NRXN3: variants seen among roughly 807,000 people sequenced by gnomAD.
The protein encoded by NRXN3 is neurexin III.
Under a neutral mutation model 137.6 loss-of-function variants are expected in NRXN3, and 32 were observed. That is an observed-to-expected ratio of 0.23 (90% CI 0.18 to 0.31). The LOEUF is 0.31. Ranked by LOEUF, NRXN3 falls within the 10% of genes least tolerant of loss-of-function variation. The pLI, the probability that NRXN3 is intolerant of heterozygous loss-of-function variation, is 1.00. For missense variants in NRXN3, 1,574 were observed against 2,062.5 expected (o/e 0.76, Z 4.59); for synonymous variants, 798 against 784.5 (o/e 1.02, Z -0.29).
chr14:79,178,197 C>T (rs1288796689), intron 15 of NRXN3, among the ~76,000 whole-genome samples: 1 of 152,210 alleles, frequency 6.6e-6, no homozygotes, highest in Non-Finnish European at 1.5e-5. Context: ...GTCATACCCT[C>T]CCAGGTGATA....
intron 4 of NRXN3, among the ~76,000 whole-genome samples, chr14:78,397,848 C>T (rs1243373429): frequency 1.3e-5 from 2 of 150,498 alleles, no homozygotes; most frequent in Non-Finnish European, 3.0e-5. Flanking sequence ...AAGTGATCTG[C>T]CTGCCTTGGC....
intron 15 of NRXN3, among the ~76,000 whole-genome samples, chr14:79,230,744 G>T (rs2072025832): frequency 6.6e-6 from 1 of 152,076 alleles, no homozygotes; most frequent in Non-Finnish European, 1.5e-5. Context: ...GGCAGGTACA[G>T]GTAGGATTCT....
chr14:78,628,160 A>T (rs891205676), intron 4 of NRXN3, among the ~76,000 whole-genome samples: 1 of 151,616 alleles, frequency 6.6e-6, no homozygotes, highest in African/African-American at 2.4e-5. Flanking sequence ...GCAGCCTCGA[A>T]CTCCTGGGCT....
rs17107869 is a variant in NRXN3 at position 78,571,807 on chromosome 14, G to A, written c.758-73313G>A. ...TCTGTGTTATAACAGGGAATCTACC[G>A]TAGGTTCTTGGCTACCTTTTGTGAA... is the stretch of plus-strand genomic sequence containing the variant. On this transcript the variant is annotated intron_variant, in intron 4 of 20. Coordinates refer to ENST00000335750, the MANE Select transcript of NRXN3 (RefSeq NM_001330195.2). Among the ~76,000 whole-genome samples, 209 of 152,308 alleles carry A rather than the reference G, an allele frequency of 1.4e-3. No individual in the cohort carries two copies. In the East Asian group the frequency reaches 0.029, roughly 21 times the overall value.
At chr14:78,484,763 A>T (rs896688782) in intron 4 of NRXN3, among the ~76,000 whole-genome samples, 1 of 152,124 alleles carries the variant, frequency 6.6e-6, no homozygotes, top group Non-Finnish European at 1.5e-5. Context: ...GCATTAGAGA[A>T]AGGCAGCCGC....
chr14:78,943,310 A>T (rs1301010220), intron 10 of NRXN3, among the ~76,000 whole-genome samples: 1 of 151,966 alleles, frequency 6.6e-6, no homozygotes, highest in Non-Finnish European at 1.5e-5. Flanking sequence ...ATGCTTGGCG[A>T]TTTGCAGATT....
intron 15 of NRXN3, among the ~76,000 whole-genome samples, chr14:79,134,542 G>A (rs2058020373): frequency 6.6e-6 from 1 of 152,188 alleles, no homozygotes; most frequent in Non-Finnish European, 1.5e-5. Flanking sequence ...TGGGGAAGTT[G>A]CAGTGTTACA....
At chr14:78,939,956 C>G (rs931688890) in intron 10 of NRXN3, among the ~76,000 whole-genome samples, 1 of 152,256 alleles carries the variant, frequency 6.6e-6, no homozygotes, top group Admixed American at 6.5e-5. Context: ...ATGACAAAAT[C>G]GAATAATCTT....
intron 4 of NRXN3, among the ~76,000 whole-genome samples, chr14:78,553,340 T>C (rs1175712821): frequency 6.6e-6 from 1 of 152,208 alleles, no homozygotes; most frequent in African/African-American, 2.4e-5. Flanking sequence ...GTCCTGATTG[T>C]CTGGGCTTAT....
intron 4 of NRXN3, among the ~76,000 whole-genome samples, chr14:78,362,680 T>C (rs996973125): frequency 3.9e-5 from 6 of 152,142 alleles, no homozygotes; most frequent in African/African-American, 1.4e-4. Context: ...CTATAAGAAT[T>C]TGGTTTTGTT....
rs1555551861 is a variant in NRXN3 at position 79,603,896 on chromosome 14, C to CTTCTTA, written c.3445-59880_3445-59879insCTTATT. Among the ~76,000 whole-genome samples, 537 of 151,972 alleles carry CTTCTTA rather than the reference C, an allele frequency of 3.5e-3. 1 individual carries two copies. The highest frequency in any genetic ancestry group is 0.013 in the African/African-American group (519 of 41,466). On this transcript the variant is annotated intron_variant, in intron 16 of 20. Coordinates refer to ENST00000335750, the MANE Select transcript of NRXN3 (RefSeq NM_001330195.2). ...TATGAAAAATTCTTAGAACAATCTT[C>CTTCTTA]TTATTATTTGAGACAGAGTCCAGCT...
chr14:79,004,918 C>G (rs2099549268), intron 15 of NRXN3, among the ~76,000 whole-genome samples: 1 of 152,188 alleles, frequency 6.6e-6, no homozygotes, highest in Non-Finnish European at 1.5e-5. Context: ...GTAAAAAATA[C>G]TCTGAGTTCT....
chr14:78,405,352 G>T (rs1417236430), intron 4 of NRXN3, among the ~76,000 whole-genome samples: 1 of 152,126 alleles, frequency 6.6e-6, no homozygotes, highest in Non-Finnish European at 1.5e-5. Context: ...CATTCCATAG[G>T]CTGGGCTGCT....
chr14:78,522,624 A>G (rs1013867438), intron 4 of NRXN3, among the ~76,000 whole-genome samples: 4 of 152,176 alleles, frequency 2.6e-5, no homozygotes, highest in Non-Finnish European at 5.9e-5. Context: ...GATGGGGTGG[A>G]ACTTCCTTTA....
chr14:79,589,039 G>A (rs1353884701), intron 16 of NRXN3, among the ~76,000 whole-genome samples: 2 of 152,128 alleles, frequency 1.3e-5, no homozygotes, highest in African/African-American at 4.8e-5. Flanking sequence ...AGGATCCCTT[G>A]AGCCCAGGAA....
At chr14:79,201,513 A>G (rs565136319) in intron 15 of NRXN3, 1 of 152,342 alleles carries the variant, frequency 6.6e-6, no homozygotes, top group South Asian at 2.1e-4. Context: ...ACCTAGTGGT[A>G]TTAAAACCTC....
chr14:79,205,547 AC>A (rs2066668669), intron 15 of NRXN3, among the ~76,000 whole-genome samples: 1 of 152,200 alleles, frequency 6.6e-6, no homozygotes, highest in South Asian at 2.1e-4. Flanking sequence ...AACATCAAGT[AC>A]CTGATAATTA....
intron 19 of NRXN3, among the ~76,000 whole-genome samples, chr14:79,802,361 A>G (rs760663569): frequency 1.3e-5 from 2 of 152,140 alleles, no homozygotes; most frequent in East Asian, 1.9e-4. Flanking sequence ...TCAGCAGTGT[A>G]TTCTCAGCCT....
chr14:78,985,710 A>T (rs765915779), intron 14 of NRXN3, among the ~76,000 whole-genome samples: 14 of 152,188 alleles, frequency 9.2e-5, no homozygotes, highest in Non-Finnish European at 2.1e-4. Context: ...CTGATTATTG[A>T]GTACAATTGA....
Sources: allele counts gnomAD v4.1 joint callset (sites outside exome capture counted in the v4.1 genomes callset), GRCh38; gene constraint gnomAD v4.1.1; transcripts MANE v1.5; gene names NCBI Gene and HGNC (gene_info 2026-07-23, HGNC 2026-07-21).